NRG3: variants seen among roughly 807,000 people sequenced by gnomAD.
The protein encoded by NRG3 is neuregulin 3.
Under a neutral mutation model 66.9 loss-of-function variants are expected in NRG3, and 31 were observed. The ratio of observed to expected loss-of-function variants is 0.46; its 90% CI spans 0.35 to 0.63. The LOEUF (loss-of-function observed/expected upper bound fraction) is 0.63. Ranked by LOEUF, NRG3 falls within the 20% of genes least tolerant of loss-of-function variation. The pLI, the probability that NRG3 is intolerant of heterozygous loss-of-function variation, is 0.00. For synonymous variants in NRG3, 393 were observed against 359.4 expected, an observed-to-expected ratio of 1.09 and a Z score of -1.06; for missense variants, 910 against 878.9, an observed-to-expected ratio of 1.04 and a Z score of -0.45.
intron 1 of NRG3, among the ~76,000 whole-genome samples, chr10:81,879,948 AC>A (rs1387255033): frequency 2.0e-5 from 3 of 152,152 alleles, no homozygotes; most frequent in African/African-American, 7.2e-5. Context: ...GAAGGTACTG[AC>A]CCCAATCATG....
chr10:82,691,217 A>G (rs984583921), intron 2 of NRG3, among the ~76,000 whole-genome samples: 1 of 151,866 alleles, frequency 6.6e-6, no homozygotes, highest in Middle Eastern at 3.4e-3. Context: ...TCCCTACCCC[A>G]CTCTCTCATG....
chr10:82,580,796 T>C (rs1312236972), intron 2 of NRG3, among the ~76,000 whole-genome samples: 1 of 152,022 alleles, frequency 6.6e-6, no homozygotes. Flanking sequence ...TATTCTTGTT[T>C]ATTTATTATT....
At chr10:82,580,155 A>C (rs760934068) in intron 2 of NRG3, among the ~76,000 whole-genome samples, 1 of 151,986 alleles carries the variant, frequency 6.6e-6, no homozygotes, top group South Asian at 2.1e-4. Context: ...ATTATTTTCT[A>C]TGTGTGCTTG....
chr10:81,914,769 C>CAAAAAAAAAAAAA (rs58460918), intron 1 of NRG3, among the ~76,000 whole-genome samples: 55 of 67,168 alleles, frequency 8.2e-4, no homozygotes, highest in East Asian at 2.6e-3. Context: ...AAACAGAAAG[C>CAAAAAAAAAAAAA]AAAAAAAAAA....
chr10:82,446,072 A>G (rs2090705108), intron 2 of NRG3, among the ~76,000 whole-genome samples: 2 of 152,162 alleles, frequency 1.3e-5, no homozygotes, highest in South Asian at 2.1e-4. Context: ...ATTTTCCCCA[A>G]CTACCTCCTA....
chr10:82,512,672 G>C (rs1845299414), intron 2 of NRG3, among the ~76,000 whole-genome samples: 1 of 152,104 alleles, frequency 6.6e-6, no homozygotes, highest in South Asian at 2.1e-4. Context: ...CTCCTTCATT[G>C]CATGCTATTC....
intron 1 of NRG3, among the ~76,000 whole-genome samples, chr10:81,977,200 T>C (rs1367285080): frequency 2.0e-5 from 3 of 152,206 alleles, no homozygotes; most frequent in African/African-American, 7.2e-5. Flanking sequence ...GCCTCCCTCA[T>C]ACTCTTGTAA....
chr10:82,229,361 C>A (rs1417849832), intron 1 of NRG3, among the ~76,000 whole-genome samples: 1 of 152,220 alleles, frequency 6.6e-6, no homozygotes, highest in South Asian at 2.1e-4. Flanking sequence ...ACAATAACTT[C>A]TTTGAAATAA....
chr10:82,914,413 C>G (rs1845635920), intron 4 of NRG3, among the ~76,000 whole-genome samples: 1 of 151,906 alleles, frequency 6.6e-6, no homozygotes, highest in Non-Finnish European at 1.5e-5. Context: ...CATAAGTAAG[C>G]CTTTAGTGTG....
intron 1 of NRG3, among the ~76,000 whole-genome samples, chr10:81,924,505 T>G (rs1181301233): frequency 6.6e-6 from 1 of 152,202 alleles, no homozygotes. Context: ...ACAAGTTTTC[T>G]TGTGAGCTGT....
At chr10:82,585,799 T>A (rs1023729363) in intron 2 of NRG3, among the ~76,000 whole-genome samples, 3 of 152,170 alleles carry the variant, frequency 2.0e-5, no homozygotes, top group Non-Finnish European at 2.9e-5. Context: ...TTAGAAAACA[T>A]ACACTGAAGC....
intron 6 of NRG3, among the ~76,000 whole-genome samples, chr10:82,965,271 A>T (rs1851099455): frequency 6.6e-6 from 1 of 152,206 alleles, no homozygotes; most frequent in Non-Finnish European, 1.5e-5. Flanking sequence ...GAAATAACAT[A>T]GAATCAACTG....
At chr10:82,240,615 G>A (rs1246391895) in intron 1 of NRG3, among the ~76,000 whole-genome samples, 6 of 152,138 alleles carry the variant, frequency 3.9e-5, no homozygotes, top group African/African-American at 1.4e-4. Flanking sequence ...TCTAGTGGAG[G>A]AAGATGGCCT....
At chr10:82,960,879 G>A (rs903258295) in intron 6 of NRG3, among the ~76,000 whole-genome samples, 7 of 150,994 alleles carry the variant, frequency 4.6e-5, no homozygotes, top group Non-Finnish European at 8.8e-5. Flanking sequence ...TTTATAAAAC[G>A]GCCCCACCCC....
At chr10:82,194,449 G>A (rs1375748407) in intron 1 of NRG3, among the ~76,000 whole-genome samples, 1 of 152,132 alleles carries the variant, frequency 6.6e-6, no homozygotes, top group African/African-American at 2.4e-5. Flanking sequence ...GTGGAATCCA[G>A]AGTATAAGCA....
At chr10:82,427,074 G>T (rs562008927) in intron 2 of NRG3, among the ~76,000 whole-genome samples, 14 of 151,958 alleles carry the variant, frequency 9.2e-5, no homozygotes, top group Admixed American at 2.6e-4. Context: ...GTTCCAGTAG[G>T]GTATGTGTGG....
chr10:82,456,065 C>T lies in NRG3; in HGVS notation c.953+97197C>T, dbSNP rs546144454. Among the ~76,000 whole-genome samples, 671 of 151,884 alleles carry T rather than the reference C, an allele frequency of 4.4e-3. 3 individuals are homozygous for T. The highest frequency in any genetic ancestry group is 7.5e-3 in the Non-Finnish European group (508 of 67,972). On this transcript the variant is annotated intron_variant, in intron 2 of 8. Transcript: ENST00000372141. ...TAGTTTAAAACACAAACACATTATA[C>T]AGCTGCCCAAAAATATCTGTTTTTA... is the stretch of plus-strand genomic sequence containing the variant.
chr10:82,722,681 C>T (rs1306633310), intron 2 of NRG3, among the ~76,000 whole-genome samples: 2 of 152,136 alleles, frequency 1.3e-5, no homozygotes, highest in South Asian at 2.1e-4. Context: ...GTTAATTTCA[C>T]ATATATAAAT....
intron 2 of NRG3, among the ~76,000 whole-genome samples, chr10:82,523,529 G>A (rs970325902): frequency 6.6e-6 from 1 of 152,010 alleles, no homozygotes; most frequent in Non-Finnish European, 1.5e-5. Flanking sequence ...TTCTTTGGGT[G>A]AATATCGATT....
Sources: gnomAD v4.1 joint callset for allele counts (sites outside exome capture counted in the v4.1 genomes callset) on GRCh38, gnomAD v4.1.1 for gene constraint, MANE v1.5 for transcripts, NCBI Gene and HGNC (gene_info 2026-07-23, HGNC 2026-07-21) for gene names.